ZFAT: variants seen among roughly 807,000 people sequenced by gnomAD.
The protein encoded by ZFAT is zinc finger protein ZFAT.
ZFAT carries 64 observed loss-of-function variants against 117.7 expected under a neutral mutation model. The ratio of observed to expected loss-of-function variants is 0.54; its 90% confidence interval spans 0.44 to 0.67. The LOEUF (loss-of-function observed/expected upper bound fraction) is 0.67, where lower values mean the gene tolerates loss of function less well. Ranked by LOEUF, ZFAT falls within the 30% of genes least tolerant of loss-of-function variation. The pLI, the probability that ZFAT is intolerant of heterozygous loss-of-function variation, is 0.00. For synonymous variants in ZFAT, 679 were observed against 615.0 expected, an observed-to-expected ratio of 1.10 and a Z score of -1.54; for missense variants, 1,433 against 1,584.5, an observed-to-expected ratio of 0.90 and a Z score of 1.62.
At chr8:134,714,609 GT>G (rs538545728), upstream of ZFAT, among the ~76,000 whole-genome samples, 35 of 152,264 alleles carry the variant, frequency 2.3e-4, no homozygotes, top group East Asian at 6.7e-3. Flanking sequence ...TGTCCAGTCT[GT>G]TAAATATATG....
chr8:134,669,829 C>T (rs1189571653), intron 1 of ZFAT, among the ~76,000 whole-genome samples: 1 of 152,130 alleles, frequency 6.6e-6, no homozygotes, highest in Non-Finnish European at 1.5e-5. Context: ...AGAGTCAAGA[C>T]CCATCAGTGT....
At chr8:134,797,745 A>C in the ZFAT span, 5 of 152,144 alleles carry the variant, frequency 3.3e-5, no homozygotes, top group South Asian at 1.0e-3. Context: ...ATTAAAAAAT[A>C]ATCCTAATTT....
intron 11 of ZFAT, among the ~76,000 whole-genome samples, chr8:134,552,247 G>GA (rs201136812): frequency 0.011 from 1,589 of 148,676 alleles, 20 homozygotes; most frequent in African/African-American, 0.034. Context: ...CTGGTATTCA[G>GA]AAAAAAAAAA....
chr8:134,665,204 T>C (rs755257237), intron 1 of ZFAT, among the ~76,000 whole-genome samples: 7 of 152,190 alleles, frequency 4.6e-5, no homozygotes, highest in Non-Finnish European at 7.3e-5. Context: ...ACTGAGTCCC[T>C]TGCACTTAGG....
intron 1 of ZFAT, among the ~76,000 whole-genome samples, chr8:134,662,445 C>T (rs1310399269): frequency 6.6e-6 from 1 of 152,120 alleles, no homozygotes; most frequent in African/African-American, 2.4e-5. Context: ...ATGGGGAGGG[C>T]AGGCACTGGA....
In ZFAT at chr8:134,700,271, C is replaced by T. The variant is rs79852502; in HGVS notation, c.19+12574G>A. ...GGTCTAAAATGCAAAGCTAGGTCTC[C>T]GGGACTCCAAAGCCAGTGCTATTTC... On this transcript the variant is annotated intron_variant, in intron 1 of 15. Coordinates refer to ENST00000377838, the MANE Select transcript of ZFAT (RefSeq NM_020863.4). Among the ~76,000 whole-genome samples the T allele has an allele frequency of 2.5e-4, 38 of 152,290 alleles. No homozygotes were observed. In the East Asian group the frequency reaches 2.5e-3, roughly 10 times the overall value.
chr8:134,783,522 T>C, the ZFAT span, among the ~76,000 whole-genome samples: 1 of 152,176 alleles, frequency 6.6e-6, no homozygotes, highest in East Asian at 1.9e-4. Flanking sequence ...CGGTTCCTGG[T>C]GCCAAAAAGG....
At chr8:134,596,119 C>T (rs1033610078) in intron 7 of ZFAT, among the ~76,000 whole-genome samples, 1 of 152,232 alleles carries the variant, frequency 6.6e-6, no homozygotes, top group African/African-American at 2.4e-5. Flanking sequence ...ATCAGAACAG[C>T]ACCATTCTCC....
chr8:134,647,431 C>T (rs1015942034), intron 2 of ZFAT, among the ~76,000 whole-genome samples: 6 of 152,262 alleles, frequency 3.9e-5, no homozygotes, highest in African/African-American at 7.2e-5. Context: ...TAATAATCAA[C>T]GTGAAAAGCT....
intron 15 of ZFAT, among the ~76,000 whole-genome samples, chr8:134,479,674 G>C (rs554262542): frequency 6.6e-6 from 1 of 152,294 alleles, no homozygotes; most frequent in East Asian, 1.9e-4. Context: ...AGGGGTGTCA[G>C]GGACACCCAT....
chr8:134,600,895 A>G (rs919683501), intron 6 of ZFAT, among the ~76,000 whole-genome samples: 2 of 152,174 alleles, frequency 1.3e-5, no homozygotes, highest in African/African-American at 4.8e-5. Context: ...GGGCCCAGAG[A>G]GGAGGAAGCC....
intron 12 of ZFAT, among the ~76,000 whole-genome samples, chr8:134,530,806 TATA>T (rs1363292027): frequency 6.6e-6 from 1 of 151,946 alleles, no homozygotes; most frequent in African/African-American, 2.4e-5. Context: ...AAAACCAAAG[TATA>T]ATAACTATTC....
chr8:134,633,466 C>G (rs1482449314), intron 3 of ZFAT, among the ~76,000 whole-genome samples: 1 of 152,166 alleles, frequency 6.6e-6, no homozygotes, highest in African/African-American at 2.4e-5. Context: ...GCTTTTTGAT[C>G]AGAGAGAAAA....
At chr8:134,820,837 T>C in the ZFAT span, among the ~76,000 whole-genome samples, 3 of 152,316 alleles carry the variant, frequency 2.0e-5, no homozygotes, top group Admixed American at 1.3e-4. Context: ...GAAAAGTGCC[T>C]AGTAATTGGT....
chr8:134,698,637 G>A (rs974879921), intron 1 of ZFAT, among the ~76,000 whole-genome samples: 1 of 152,070 alleles, frequency 6.6e-6, no homozygotes, highest in African/African-American at 2.4e-5. Context: ...CAGGTGAATC[G>A]TCAAAGCCAC....
the ZFAT span, among the ~76,000 whole-genome samples, chr8:134,782,891 T>C: frequency 6.6e-6 from 1 of 152,002 alleles, no homozygotes; most frequent in Non-Finnish European, 1.5e-5. Flanking sequence ...GACAAGTAAG[T>C]TTTATCATCC....
chr8:134,521,303 G>T (rs1820636759), intron 12 of ZFAT, among the ~76,000 whole-genome samples: 1 of 150,080 alleles, frequency 6.7e-6, no homozygotes, highest in Non-Finnish European at 1.5e-5. Context: ...TAATTCCCTT[G>T]GCCAGTGGGT....
the ZFAT span, among the ~76,000 whole-genome samples, chr8:134,802,388 G>C: frequency 6.6e-6 from 1 of 152,158 alleles, no homozygotes; most frequent in East Asian, 1.9e-4. Context: ...GAACATGCTC[G>C]ACGCAATACC....
intron 9 of ZFAT, among the ~76,000 whole-genome samples, chr8:134,586,151 AT>A (rs1826054128): frequency 6.6e-6 from 1 of 152,200 alleles, no homozygotes; most frequent in South Asian, 2.1e-4. Flanking sequence ...AGAGAAAGTT[AT>A]AAATTAGAGA....
Sources: gnomAD v4.1 joint callset for allele counts (sites outside exome capture counted in the v4.1 genomes callset) on GRCh38, gnomAD v4.1.1 for gene constraint, MANE v1.5 for transcripts, NCBI Gene and HGNC (gene_info 2026-07-23, HGNC 2026-07-21) for gene names.